Variants in ATRNL1 observed in about 807,000 individuals in gnomAD.
The protein encoded by ATRNL1 is attractin-like protein 1.
ATRNL1 carries 95 observed loss-of-function variants against 182.7 expected under a neutral mutation model. That is an observed-to-expected ratio of 0.52 (90% confidence interval 0.44 to 0.62). The LOEUF is 0.62. Among genes scored for constraint, ATRNL1 ranks in the 20% least tolerant of loss-of-function variants. The probability of loss-of-function intolerance (pLI) is 0.00; values close to 1 mark genes in which losing one functional copy is unlikely to be tolerated. For synonymous variants in ATRNL1, 576 were observed against 568.3 expected, an observed-to-expected ratio of 1.01 and a Z score of -0.19; for missense variants, 1,471 against 1,679.5, an observed-to-expected ratio of 0.88 and a Z score of 2.17.
At chr10:115,492,350 T>C (rs114749452) in intron 24 of ATRNL1, among the ~76,000 whole-genome samples, 1 of 152,170 alleles carries the variant, frequency 6.6e-6, no homozygotes, top group African/African-American at 2.4e-5. Context: ...TTGATCATTA[T>C]AACTGACAAT....
intron 19 of ATRNL1, among the ~76,000 whole-genome samples, chr10:115,377,153 T>C (rs1054751222): frequency 3.3e-5 from 5 of 152,220 alleles, no homozygotes; most frequent in African/African-American, 9.6e-5. Context: ...TTTGGCTGTG[T>C]CCCTACCCAA....
intron 27 of ATRNL1, among the ~76,000 whole-genome samples, chr10:115,839,124 C>G (rs1555096377): frequency 6.6e-6 from 1 of 152,086 alleles, no homozygotes; most frequent in Non-Finnish European, 1.5e-5. Flanking sequence ...CACAGTGCTT[C>G]TTGATTTACT....
At chr10:115,251,582 G>A (rs547240646) in intron 10 of ATRNL1, among the ~76,000 whole-genome samples, 2 of 152,100 alleles carry the variant, frequency 1.3e-5, no homozygotes, top group Admixed American at 6.5e-5. Context: ...AGTGATGCTA[G>A]TGTCTCTCCC....
chr10:115,195,804 G>A, intron 8 of ATRNL1, among the ~76,000 whole-genome samples: 1 of 152,054 alleles, frequency 6.6e-6, no homozygotes, highest in Admixed American at 6.6e-5. Context: ...TGTAAATTTT[G>A]ATGAATTACC....
intron 13 of ATRNL1, among the ~76,000 whole-genome samples, chr10:115,277,659 A>G (rs1454558024): frequency 1.3e-5 from 2 of 152,030 alleles, no homozygotes; most frequent in East Asian, 1.9e-4. Flanking sequence ...AAGTAGAGCC[A>G]CAGGAAAAGC....
At position 115,633,441 on chromosome 10, in the gene ATRNL1, T is replaced by C. The variant is rs1245997433; in HGVS notation, c.3795+83905T>C. Among the ~76,000 whole-genome samples the C allele has an allele frequency of 2.0e-5, 3 of 152,354 alleles. 1 individual carries two copies. Among genetic ancestry groups the C allele is most frequent in the Non-Finnish European group, 4.4e-5 (3 of 68,026 alleles). ...GAATTTGGTCTATAGATTTACACTA[T>C]AAGGAAACAAGTTTATTATTTTCTT... On this transcript the variant is annotated intron_variant, in intron 26 of 28. Transcript: ENST00000355044.
intron 27 of ATRNL1, among the ~76,000 whole-genome samples, chr10:115,836,880 C>T (rs1335150908): frequency 2.0e-5 from 3 of 152,144 alleles, no homozygotes; most frequent in African/African-American, 7.2e-5. Context: ...TTTTAATTAA[C>T]TGCCTTAAAA....
chr10:115,279,475 G>A (rs1170743947), intron 13 of ATRNL1, among the ~76,000 whole-genome samples: 2 of 151,878 alleles, frequency 1.3e-5, no homozygotes, highest in Non-Finnish European at 2.9e-5. Context: ...GCAATAGGAG[G>A]TGTCATCTGT....
chr10:115,768,782 G>A (rs1948918960), intron 27 of ATRNL1, among the ~76,000 whole-genome samples: 1 of 151,882 alleles, frequency 6.6e-6, no homozygotes, highest in Admixed American at 6.6e-5. Flanking sequence ...TAAAATTAAA[G>A]GAATATAATA....
At chr10:115,933,217 T>A (rs1220366886) in intron 28 of ATRNL1, among the ~76,000 whole-genome samples, 2 of 152,238 alleles carry the variant, frequency 1.3e-5, no homozygotes, top group Non-Finnish European at 2.9e-5. Flanking sequence ...CCCAGCCAGG[T>A]GTTTGACATT....
intron 3 of ATRNL1, among the ~76,000 whole-genome samples, chr10:115,126,565 AG>A (rs1224347638): frequency 6.6e-6 from 1 of 152,208 alleles, no homozygotes; most frequent in Non-Finnish European, 1.5e-5. Context: ...ATAACCTAGT[AG>A]ATGTAATAAT....
intron 28 of ATRNL1, among the ~76,000 whole-genome samples, chr10:115,928,626 G>A (rs1321259148): frequency 4.6e-5 from 7 of 151,900 alleles, no homozygotes; most frequent in Non-Finnish European, 2.9e-5. Context: ...AAGGGTCCCA[G>A]GTTCAGTTTT....
At chr10:115,267,113 A>G in intron 12 of ATRNL1, 108 bp downstream of exon 12, 1 of 695,472 alleles carries the variant, frequency 1.4e-6, no homozygotes, top group South Asian at 2.0e-5. Context: ...GAAATGAAAA[A>G]TTTGTATTAC....
At chr10:115,397,631 T>A (rs2485965) in intron 20 of ATRNL1, among the ~76,000 whole-genome samples, 1 of 151,670 alleles carries the variant, frequency 6.6e-6, no homozygotes, top group Non-Finnish European at 1.5e-5. Flanking sequence ...AAAATTTAAG[T>A]AGAGGATGTT....
chr10:115,297,034 A>C (rs1334444239), intron 15 of ATRNL1, among the ~76,000 whole-genome samples: 2 of 152,180 alleles, frequency 1.3e-5, no homozygotes, highest in African/African-American at 4.8e-5. Flanking sequence ...CCTAAGAATA[A>C]TTTCCTAGAG....
In ATRNL1 at chr10:115,525,392, G is replaced by T. The variant is rs192779665; in HGVS notation, c.3716+6068G>T. Reference sequence around the variant, plus strand: ...TGACACCTGTCGTCTATTACATTGGGTCTCCATCTTTTTATGGCAATTAAC... The same window carrying T: ...TGACACCTGTCGTCTATTACATTGGTTCTCCATCTTTTTATGGCAATTAAC... On this transcript the variant is annotated intron_variant, in intron 25 of 28. Coordinates refer to ENST00000355044, the MANE Select transcript of ATRNL1 (RefSeq NM_207303.4). Among the ~76,000 whole-genome samples, 63 of 152,252 alleles carry T rather than the reference G, an allele frequency of 4.1e-4. 2 individuals are homozygous for T. The highest frequency in any genetic ancestry group is 7.2e-4 in the Non-Finnish European group (49 of 68,024).
At chr10:115,526,727 T>C (rs1851236015) in intron 25 of ATRNL1, among the ~76,000 whole-genome samples, 1 of 152,054 alleles carries the variant, frequency 6.6e-6, no homozygotes, top group Non-Finnish European at 1.5e-5. Context: ...TGGGATTAGA[T>C]AAGCAATAAA....
intron 19 of ATRNL1, among the ~76,000 whole-genome samples, chr10:115,358,721 G>A (rs1856609730): frequency 6.6e-6 from 1 of 151,648 alleles, no homozygotes; most frequent in South Asian, 2.1e-4. Flanking sequence ...GCTAGAATGA[G>A]AATTGAAACC....
chr10:115,180,841 A>G (rs2144157715), intron 8 of ATRNL1, among the ~76,000 whole-genome samples: 1 of 152,068 alleles, frequency 6.6e-6, no homozygotes, highest in Admixed American at 6.6e-5. Flanking sequence ...TTTATATACT[A>G]GGGTAGAGGT....
Sources: gnomAD v4.1 joint callset for allele counts (sites outside exome capture counted in the v4.1 genomes callset) on GRCh38, gnomAD v4.1.1 for gene constraint, MANE v1.5 for transcripts, NCBI Gene and HGNC (gene_info 2026-07-23, HGNC 2026-07-21) for gene names.